The following ADAMTS12 variants were observed in gnomAD, a reference collection of about 807,000 sequenced individuals.
The protein encoded by ADAMTS12 is A disintegrin and metalloproteinase with thrombospondin motifs 12.
A neutral mutation model predicts 167.8 loss-of-function variants in ADAMTS12; 118 were observed. That is an observed-to-expected ratio of 0.70 (90% CI 0.61 to 0.82). The LOEUF (loss-of-function observed/expected upper bound fraction) is 0.82. ADAMTS12 is among the 40% of genes least tolerant of loss of function. The pLI, the probability that ADAMTS12 is intolerant of heterozygous loss-of-function variation, is 0.00. For missense variants in ADAMTS12, 1,916 were observed against 1,998.8 expected (o/e 0.96, Z 0.79); for synonymous variants, 704 against 716.9 (o/e 0.98, Z 0.29).
rs541876268 is a variant in ADAMTS12, at chr5:33,688,599, A to G, written c.635-4544T>C. On this transcript the variant is annotated intron_variant, in intron 3 of 23. Transcript: ENST00000504830. ...CTCTGAGTCAGTGTCCACGGCAGCC[A>G]GGCATGGATCACGCCTTGACGAAGC... Among the ~76,000 whole-genome samples the G allele has an allele frequency of 1.1e-4, 16 of 152,354 alleles. No individual in the cohort carries two copies. The South Asian group carries it at 2.9e-3, about 28-fold the overall frequency.
chr5:33,726,220 C>G (rs994957862), intron 3 of ADAMTS12, among the ~76,000 whole-genome samples: 2 of 152,112 alleles, frequency 1.3e-5, no homozygotes, highest in African/African-American at 4.8e-5. Context: ...GGGAAAGTGT[C>G]CAGGGGACTA....
intron 1 of ADAMTS12, among the ~76,000 whole-genome samples, chr5:33,884,744 T>C (rs988009066): frequency 3.3e-5 from 5 of 152,230 alleles, no homozygotes; most frequent in Admixed American, 1.3e-4. Flanking sequence ...TTTAAGTGTA[T>C]GTGGAAAATT....
At chr5:33,794,024 A>G (rs1272850703) in intron 2 of ADAMTS12, among the ~76,000 whole-genome samples, 1 of 151,652 alleles carries the variant, frequency 6.6e-6, no homozygotes, top group Non-Finnish European at 1.5e-5. Context: ...TCCTCTGCCC[A>G]CCCTCCCCAT....
intron 2 of ADAMTS12, among the ~76,000 whole-genome samples, chr5:33,801,711 G>A (rs539436182): frequency 6.6e-6 from 1 of 152,212 alleles, no homozygotes; most frequent in Admixed American, 6.5e-5. Context: ...GGGAGTCCCA[G>A]TGCCAGTCAC....
At chr5:33,631,707 T>C (rs1739943401) in intron 12 of ADAMTS12, among the ~76,000 whole-genome samples, 1 of 152,218 alleles carries the variant, frequency 6.6e-6, no homozygotes, top group Non-Finnish European at 1.5e-5. Flanking sequence ...AAAATTTTAA[T>C]AGTGAATACA....
At chr5:33,826,900 G>A (rs1367176638) in intron 2 of ADAMTS12, among the ~76,000 whole-genome samples, 6 of 152,126 alleles carry the variant, frequency 3.9e-5, no homozygotes, top group Non-Finnish European at 8.8e-5. Flanking sequence ...GCATTACGGG[G>A]AGAATGGGCT....
At chr5:33,565,521 A>AGGGG (rs964302139) in intron 19 of ADAMTS12, among the ~76,000 whole-genome samples, 3 of 152,118 alleles carry the variant, frequency 2.0e-5, no homozygotes, top group Non-Finnish European at 4.4e-5. Context: ...CCCTGTCATG[A>AGGGG]GGGGGGACTC....
In ADAMTS12 at chr5:33,567,534, A is replaced by G. The variant is rs375237871; in HGVS notation, c.3973-6355T>C. On this transcript the variant is annotated intron_variant, in intron 19 of 23. Transcript: ENST00000504830. ...AGGTACTGGCAGGTGCCTCTCCCCA[A>G]TGTTCCCTCCGCATCCGCATTCTGT... Among the ~76,000 whole-genome samples the G allele has an allele frequency of 6.6e-5, 10 of 152,276 alleles. No individual in the cohort carries two copies. In the South Asian group the frequency reaches 8.3e-4, roughly 13 times the overall value.
At chr5:33,555,678 T>A (rs1745458829) in intron 20 of ADAMTS12, among the ~76,000 whole-genome samples, 1 of 152,236 alleles carries the variant, frequency 6.6e-6, no homozygotes, top group African/African-American at 2.4e-5. Flanking sequence ...AGGTGACGGT[T>A]TCTTAGAATT....
chr5:33,695,229 G>A (rs1047437784), intron 3 of ADAMTS12, among the ~76,000 whole-genome samples: 3 of 152,182 alleles, frequency 2.0e-5, no homozygotes, highest in African/African-American at 7.2e-5. Context: ...GGAGAGCCTT[G>A]TCTTTAATCA....
chr5:33,836,941 G>T (rs1429197172), intron 2 of ADAMTS12, among the ~76,000 whole-genome samples: 1 of 152,068 alleles, frequency 6.6e-6, no homozygotes, highest in East Asian at 1.9e-4. Context: ...TACAGGCAGG[G>T]TCTCACTATG....
chr5:33,591,710 C>T (rs1478209577), intron 17 of ADAMTS12, among the ~76,000 whole-genome samples: 47 of 152,152 alleles, frequency 3.1e-4, no homozygotes, highest in Admixed American at 3.1e-3. Context: ...CGATCTTATT[C>T]CTTTCATTTC....
chr5:33,809,994 A>AAC (rs2112485391), intron 2 of ADAMTS12, among the ~76,000 whole-genome samples: 1 of 151,244 alleles, frequency 6.6e-6, no homozygotes, highest in South Asian at 2.1e-4. Flanking sequence ...AAAAAAAAAA[A>AAC]AAAAAAACAG....
At chr5:33,740,741 C>T (rs1744540934) in intron 3 of ADAMTS12, among the ~76,000 whole-genome samples, 1 of 152,166 alleles carries the variant, frequency 6.6e-6, no homozygotes, top group Non-Finnish European at 1.5e-5. Context: ...CTGCCCAAGA[C>T]AGGCGGTCAC....
At chr5:33,845,379 G>A (rs530006639) in intron 2 of ADAMTS12, among the ~76,000 whole-genome samples, 2 of 152,296 alleles carry the variant, frequency 1.3e-5, no homozygotes, top group African/African-American at 4.8e-5. Flanking sequence ...AGAATGATGG[G>A]ATGAGGCAAA....
chr5:33,757,980 T>A (rs1355847494), intron 2 of ADAMTS12, among the ~76,000 whole-genome samples: 1 of 152,148 alleles, frequency 6.6e-6, no homozygotes, highest in Non-Finnish European at 1.5e-5. Context: ...GCTTGACTCA[T>A]CTCTTTGCTG....
At chr5:33,889,174 C>T (rs1219342636) in intron 1 of ADAMTS12, among the ~76,000 whole-genome samples, 1 of 152,082 alleles carries the variant, frequency 6.6e-6, no homozygotes, top group Non-Finnish European at 1.5e-5. Flanking sequence ...GGGGGCGAGG[C>T]ATGATGGCTC....
rs990444862 is a variant in ADAMTS12, at chr5:33,802,317, T to C, written c.490-50769A>G. ...GGGCTGTGTTGGAAAGTTGTTACTG[T>C]GTTGAACTCCAGCTCAAACAACTAA... On this transcript the variant is annotated intron_variant, in intron 2 of 23. Transcript: ENST00000504830. Among the ~76,000 whole-genome samples, 7 of 152,358 alleles carry C rather than the reference T, an allele frequency of 4.6e-5. No individual in the cohort carries two copies. In the East Asian group the frequency reaches 1.3e-3, roughly 29 times the overall value.
At chr5:33,846,386 C>T (rs1748946062) in intron 2 of ADAMTS12, among the ~76,000 whole-genome samples, 2 of 152,348 alleles carry the variant, frequency 1.3e-5, no homozygotes, top group South Asian at 4.1e-4. Flanking sequence ...CCTCTGTTCT[C>T]TAACCTGAAA....
Sources: gnomAD v4.1 joint callset for allele counts (sites outside exome capture counted in the v4.1 genomes callset) on GRCh38, gnomAD v4.1.1 for gene constraint, MANE v1.5 for transcripts, NCBI Gene and HGNC (gene_info 2026-07-23, HGNC 2026-07-21) for gene names.